The following DPP10 variants were observed in gnomAD, a reference collection of about 807,000 sequenced individuals.
DPP10 encodes the protein dipeptidyl peptidase like 10, also known as inactive dipeptidyl peptidase 10.
DPP10 carries 33 observed loss-of-function variants against 120.9 expected under a neutral mutation model. The ratio of observed to expected loss-of-function variants is 0.27; its 90% CI spans 0.21 to 0.37. The LOEUF (loss-of-function observed/expected upper bound fraction) is 0.37, where lower values mean the gene tolerates loss of function less well. Ranked by LOEUF, DPP10 falls within the 10% of genes least tolerant of loss-of-function variation. DPP10 has a pLI of 1.00. For synonymous variants in DPP10, 337 were observed against 326.1 expected (o/e 1.03, Z -0.36); for missense variants, 816 against 942.8 (o/e 0.87, Z 1.76).
At chr2:115,808,580 T>C (rs2150010637) in intron 19 of DPP10, among the ~76,000 whole-genome samples, 1 of 152,338 alleles carries the variant, frequency 6.6e-6, no homozygotes, top group Middle Eastern at 3.4e-3. Flanking sequence ...ATTATCACCC[T>C]CTATACCAAA....
In DPP10 at chr2:115,510,648, A is replaced by G. The variant is rs114172637; in HGVS notation, c.366+11044A>G. 6.3e-3 allele frequency among the ~76,000 whole-genome samples: 958 copies of G among 152,256 alleles called. 15 individuals are homozygous for G. Among genetic ancestry groups the G allele is most frequent in the African/African-American group, 0.022 (903 of 41,568 alleles). ...TCCCTTACATTTCCATATGAATTTT[A>G]AGATCAACTCGTAAAATTTGCAAAC... On this transcript the variant is annotated intron_variant, in intron 4 of 25. Transcript: ENST00000410059.
At chr2:115,661,671 G>C (rs13422978) in intron 5 of DPP10, among the ~76,000 whole-genome samples, 1 of 152,188 alleles carries the variant, frequency 6.6e-6, no homozygotes, top group South Asian at 2.1e-4. Context: ...GGGTTTTTTA[G>C]TTCTCCCAAT....
chr2:115,170,416 C>CT (rs1270417436), intron 1 of DPP10, among the ~76,000 whole-genome samples: 13 of 152,056 alleles, frequency 8.5e-5, no homozygotes, highest in Non-Finnish European at 2.9e-5. Context: ...AAAAATATAT[C>CT]TTTTTGAGAG....
chr2:115,566,592 A>G (rs2081024146), intron 5 of DPP10, among the ~76,000 whole-genome samples: 1 of 152,184 alleles, frequency 6.6e-6, no homozygotes, highest in Non-Finnish European at 1.5e-5. Context: ...AAAAAAAGTC[A>G]TCATTCTAGG....
intron 9 of DPP10, 108 bp from the exon 10 acceptor site, chr2:115,745,972 AACTTTT>A (rs1677916350): frequency 1.4e-6 from 1 of 720,912 alleles, no homozygotes; most frequent in Admixed American, 3.7e-5. Flanking sequence ...AGAGAAATTA[AACTTTT>A]TTTCTTTTCT....
chr2:115,009,953 C>G (rs963700765), intron 1 of DPP10, among the ~76,000 whole-genome samples: 17 of 152,092 alleles, frequency 1.1e-4, no homozygotes, highest in African/African-American at 4.1e-4. Context: ...GGTAGATCTT[C>G]CAAAACTTAC....
chr2:114,838,538 C>T (rs1303295967), intron 1 of DPP10, among the ~76,000 whole-genome samples: 2 of 152,124 alleles, frequency 1.3e-5, no homozygotes. Flanking sequence ...TGGTCTTGAA[C>T]TTCTGACCTC....
At chr2:115,191,016 A>C (rs1439454498) in intron 1 of DPP10, among the ~76,000 whole-genome samples, 1 of 152,144 alleles carries the variant, frequency 6.6e-6, no homozygotes, top group Non-Finnish European at 1.5e-5. Flanking sequence ...GGAGGTGAGG[A>C]GGCAATGAAG....
At chr2:114,805,556 C>T (rs773104572) in intron 1 of DPP10, among the ~76,000 whole-genome samples, 3 of 152,116 alleles carry the variant, frequency 2.0e-5, no homozygotes, top group Non-Finnish European at 4.4e-5. Flanking sequence ...TAACGCTAGC[C>T]CTTCTCTCAT....
chr2:115,394,773 G>A (rs1271747591), intron 3 of DPP10, among the ~76,000 whole-genome samples: 2 of 152,076 alleles, frequency 1.3e-5, no homozygotes, highest in Non-Finnish European at 2.9e-5. Flanking sequence ...AGAGGGCCAC[G>A]TATTTCTCTG....
intron 3 of DPP10, among the ~76,000 whole-genome samples, chr2:115,356,644 G>A (rs2064412582): frequency 6.6e-6 from 1 of 152,054 alleles, no homozygotes; most frequent in Admixed American, 6.6e-5. Context: ...TTTTCAAAGG[G>A]AATGCTTCCA....
chr2:114,481,515 T>C (rs572565772), intron 1 of DPP10, among the ~76,000 whole-genome samples: 1 of 152,296 alleles, frequency 6.6e-6, no homozygotes, highest in African/African-American at 2.4e-5. Flanking sequence ...TTGTACTCTT[T>C]GGCATTTATC....
chr2:115,019,303 G>C (rs1307785889), intron 1 of DPP10, among the ~76,000 whole-genome samples: 1 of 152,060 alleles, frequency 6.6e-6, no homozygotes, highest in African/African-American at 2.4e-5. Flanking sequence ...ACATTCTTCA[G>C]TGAAGTAGAC....
At chr2:115,777,170 A>G (rs373570544) in intron 13 of DPP10, 38 bp from the exon 14 acceptor site, 15 of 1,585,482 alleles carry the variant, frequency 9.5e-6, no homozygotes, top group South Asian at 5.5e-5. Flanking sequence ...GATGCTGTTT[A>G]AATGAAAGGA....
chr2:114,526,240 G>A (rs1029074627), intron 1 of DPP10, among the ~76,000 whole-genome samples: 9 of 152,168 alleles, frequency 5.9e-5, no homozygotes, highest in African/African-American at 2.2e-4. Context: ...GTTGTTGTGT[G>A]CAATCACCAA....
intron 1 of DPP10, among the ~76,000 whole-genome samples, chr2:114,772,933 A>G (rs982469655): frequency 6.6e-6 from 1 of 152,142 alleles, no homozygotes; most frequent in Non-Finnish European, 1.5e-5. Flanking sequence ...TCCCCAAAGT[A>G]TTATCTTCTT....
At chr2:114,633,268 T>A (rs1239819871) in intron 1 of DPP10, among the ~76,000 whole-genome samples, 2 of 140,042 alleles carry the variant, frequency 1.4e-5, no homozygotes, top group Non-Finnish European at 3.0e-5. Flanking sequence ...TTTTTTTTTT[T>A]TTTGACAGAG....
chr2:114,989,299 C>T (rs1001587019), intron 1 of DPP10, among the ~76,000 whole-genome samples: 2 of 152,008 alleles, frequency 1.3e-5, no homozygotes, highest in African/African-American at 4.8e-5. Flanking sequence ...TATTTACTTC[C>T]CGTAACTTCA....
At chr2:115,347,977 G>C (rs1318982302) in intron 3 of DPP10, among the ~76,000 whole-genome samples, 1 of 151,950 alleles carries the variant, frequency 6.6e-6, no homozygotes, top group Admixed American at 6.6e-5. Context: ...AAATGATTTG[G>C]GAGTAATGGG....
Sources: allele counts gnomAD v4.1 joint callset (sites outside exome capture counted in the v4.1 genomes callset), GRCh38; gene constraint gnomAD v4.1.1; transcripts MANE v1.5; gene names NCBI Gene and HGNC (gene_info 2026-07-23, HGNC 2026-07-21).